LMTK2: variants seen among roughly 807,000 people sequenced by gnomAD.
LMTK2 encodes the protein lemur tail kinase 2.
In LMTK2, 37 loss-of-function variants were observed where a neutral mutation model predicts 127.5. The observed-to-expected ratio is 0.29, with a 90% CI of 0.22 to 0.38. The LOEUF (loss-of-function observed/expected upper bound fraction) is 0.38, where lower values mean the gene tolerates loss of function less well. LMTK2 is among the 10% of genes least tolerant of loss of function. The pLI is 1.00. For missense variants in LMTK2, 1,694 were observed against 1,920.3 expected (o/e 0.88, Z 2.20); for synonymous variants, 819 against 810.1 (o/e 1.01, Z -0.19).
intron 1 of LMTK2, among the ~76,000 whole-genome samples, chr7:98,126,264 A>G (rs1796442346): frequency 6.6e-6 from 1 of 152,190 alleles, no homozygotes; most frequent in Admixed American, 6.5e-5. Flanking sequence ...TCGCCTGCAC[A>G]TCTCTGCAGA....
chr7:98,147,289 G>A (rs1374723782), intron 3 of LMTK2, among the ~76,000 whole-genome samples: 1 of 151,406 alleles, frequency 6.6e-6, no homozygotes, highest in Non-Finnish European at 1.5e-5. Flanking sequence ...TGCAATCATG[G>A]TTCACTGCAG....
intron 1 of LMTK2, among the ~76,000 whole-genome samples, chr7:98,114,203 G>C (rs1562894088): frequency 6.6e-6 from 1 of 151,364 alleles, no homozygotes; most frequent in African/African-American, 2.4e-5. Flanking sequence ...CAATTTGGTA[G>C]GTAGGTTTTG....
At chr7:98,151,480 G>A in intron 4 of LMTK2, 25 bp downstream of exon 4, 1 of 1,540,238 alleles carries the variant, frequency 6.5e-7, no homozygotes, top group Non-Finnish European at 9.0e-7. Context: ...ACTTGCATTT[G>A]TTTTCCTCTG....
rs1797599129 is a variant in LMTK2 at position 98,194,613 on chromosome 7, T to C, written c.4107+41T>C. ...AAATCATTTTCTATACACATCCATA[T>C]AAGGATTCCAAAATGTGCTAGGAAA... On this transcript the variant is annotated intron_variant, in intron 11 of 13. Coordinates refer to ENST00000297293, the MANE Select transcript of LMTK2 (RefSeq NM_014916.4). This position sits in a 1 kb window ranked among gnomAD's most constrained non-coding sequence, Gnocchi z 5.4. 6.6e-7 allele frequency: 1 copy of C among 1,504,190 alleles called. No individual in the cohort carries two copies. The highest frequency in any genetic ancestry group is 8.9e-7 in the Non-Finnish European group (1 of 1,120,722). The allele number at this position is 1,504,190 out of a possible 1,614,324, so 93.2% of individuals were successfully genotyped here.
At chr7:98,119,808 T>C (rs532237570) in intron 1 of LMTK2, among the ~76,000 whole-genome samples, 1 of 152,346 alleles carries the variant, frequency 6.6e-6, no homozygotes, top group Admixed American at 6.5e-5. Context: ...GAACCCCTGA[T>C]TCGTAATCTA....
Position 98,141,560 on chromosome 7 carries a change from A to G in LMTK2, c.376+19A>G. On this transcript the variant is annotated intron_variant, in intron 3 of 13. Transcript: ENST00000297293. ...TCTGTAGGTAAGACCATACAGCCTA[A>G]TGCCACGTTTTCATGAATTGTTTCT... 1.2e-6 allele frequency: 2 copies of G among 1,607,054 alleles called. No homozygotes were observed. Among genetic ancestry groups the G allele is most frequent in the Non-Finnish European group, 1.7e-6 (2 of 1,175,558 alleles).
chr7:98,192,584 C>T lies in LMTK2; in HGVS notation c.2119C>T (p.His707Tyr), dbSNP rs778564979. 1.9e-6 allele frequency: 3 copies of T among 1,613,164 alleles called. No individual in the cohort carries two copies. In the East Asian group the frequency reaches 6.7e-5, roughly 36 times the overall value. Residue 707 changes from histidine (H) to tyrosine (Y), a missense_variant, in exon 11 of 14, where the codon CAC becomes TAC. Transcript: ENST00000297293. ...EPLCLSDNLM[H>Y]QDNFDPLNVQ... ...TCTCTGCCTATCAGATAATCTTATG[C>T]ACCAAGATAATTTTGATCCATTGAA... is the stretch of plus-strand genomic sequence containing the variant.
At chr7:98,138,837 A>G (rs1796634765) in intron 2 of LMTK2, among the ~76,000 whole-genome samples, 1 of 152,190 alleles carries the variant, frequency 6.6e-6, no homozygotes, top group African/African-American at 2.4e-5. Context: ...TTCATTTGAG[A>G]GCCAGGAATC....
At chr7:98,144,858 G>T (rs1796748089) in intron 3 of LMTK2, among the ~76,000 whole-genome samples, 1 of 150,124 alleles carries the variant, frequency 6.7e-6, no homozygotes, top group Non-Finnish European at 1.5e-5. Context: ...TAAAGCGTAT[G>T]TATTCTTGCT....
chr7:98,140,142 CTTT>C (rs373010323), intron 2 of LMTK2, among the ~76,000 whole-genome samples: 1 of 67,238 alleles, frequency 1.5e-5, no homozygotes, highest in Admixed American at 1.7e-4. Context: ...TTCTTTCTTT[CTTT>C]TCTTTTCTTT....
chr7:98,107,425 T>C (rs1796127241), intron 1 of LMTK2, 145 bp downstream of exon 1: 6 of 347,922 alleles, frequency 1.7e-5, no homozygotes, highest in Admixed American at 5.3e-5. Flanking sequence ...TTAGGGAGAT[T>C]TCTGCCGCAG....
intron 4 of LMTK2, among the ~76,000 whole-genome samples, chr7:98,154,256 G>T (rs1796895799): frequency 6.6e-6 from 1 of 152,300 alleles, no homozygotes; most frequent in South Asian, 2.1e-4. Context: ...TCAAGGCCGG[G>T]TATCATTGGA....
intron 1 of LMTK2, among the ~76,000 whole-genome samples, chr7:98,120,527 A>G (rs919556707): frequency 1.3e-5 from 2 of 152,230 alleles, no homozygotes; most frequent in Non-Finnish European, 2.9e-5. Flanking sequence ...CTGCAAAACT[A>G]AAGTGTTGTG....
chr7:98,123,675 G>A (rs1456638141), intron 1 of LMTK2, among the ~76,000 whole-genome samples: 1 of 151,908 alleles, frequency 6.6e-6, no homozygotes, highest in Non-Finnish European at 1.5e-5. Flanking sequence ...TGAAAGTTGT[G>A]TGCTTTAGTT....
rs896661912 is a variant in LMTK2, at chr7:98,205,791, C to G, written c.*299C>G. 5.6e-5 allele frequency: 29 copies of G among 517,030 alleles called. No homozygotes were observed. The highest frequency in any genetic ancestry group is 5.2e-4 in the African/African-American group (27 of 51,954). The allele number at this position is 517,030 out of a possible 1,614,324, so 32.0% of individuals were successfully genotyped here. A position where few individuals can be genotyped will look rare whatever the true frequency, so the allele number is the denominator to read the frequency against. ...GTCGGGGGAGGCAGGGGCACAGCCT[C>G]CATGTGCGCGCGCGTGTGGAGCTGT... On this transcript the variant is annotated 3_prime_UTR_variant, in exon 14 of 14. Coordinates refer to ENST00000297293, the MANE Select transcript of LMTK2 (RefSeq NM_014916.4).
chr7:98,140,173 T>C (rs747688679), intron 2 of LMTK2, among the ~76,000 whole-genome samples: 222 of 61,118 alleles, frequency 3.6e-3, no homozygotes, highest in African/African-American at 4.9e-3. Flanking sequence ...TTTTCTTTTC[T>C]TTCTTTTCTT....
intron 1 of LMTK2, among the ~76,000 whole-genome samples, chr7:98,112,929 T>C (rs1796223677): frequency 6.6e-6 from 1 of 152,142 alleles, no homozygotes; most frequent in African/African-American, 2.4e-5. Context: ...CAATCACAGC[T>C]CACTGTAGCC....
chr7:98,187,619 G>A (rs7781013), intron 9 of LMTK2, among the ~76,000 whole-genome samples: 2 of 150,960 alleles, frequency 1.3e-5, no homozygotes, highest in South Asian at 4.2e-4. Flanking sequence ...TGTTGTTGTT[G>A]TTTTGAGATA....
At position 98,209,229 on chromosome 7, in the gene LMTK2, T is replaced by C. The variant is rs1253989360; in HGVS notation, c.*3737T>C. 6.6e-6 allele frequency: 1 copy of C among 152,246 alleles called. No homozygotes were observed. Among genetic ancestry groups the C allele is most frequent in the Non-Finnish European group, 1.5e-5 (1 of 68,044 alleles). The allele number at this position is 152,246 out of a possible 1,614,324, so 9.4% of individuals were successfully genotyped here. ...GTCTTTATTAACAAAGAACATTCTC[T>C]TTCATCTATAAAGAAATTCTTAAAG... On this transcript the variant is annotated 3_prime_UTR_variant, in exon 14 of 14. Coordinates refer to ENST00000297293, the MANE Select transcript of LMTK2 (RefSeq NM_014916.4).
Sources: allele counts gnomAD v4.1 joint callset (sites outside exome capture counted in the v4.1 genomes callset), GRCh38; gene constraint gnomAD v4.1.1; non-coding constraint Gnocchi (gnomAD v3.1); transcripts MANE v1.5; gene names NCBI Gene and HGNC (gene_info 2026-07-23, HGNC 2026-07-21).